The following LTA4H variants were observed in gnomAD, a reference collection of about 807,000 sequenced individuals.
LTA4H encodes the protein leukotriene A-4 hydrolase.
A neutral mutation model predicts 89.8 loss-of-function variants in LTA4H; 59 were observed. That is an observed-to-expected ratio of 0.66 (90% confidence interval 0.53 to 0.82). LTA4H has a LOEUF of 0.82. Among genes scored for constraint, LTA4H ranks in the 40% least tolerant of loss-of-function variants. LTA4H has a pLI of 0.00. For missense variants in LTA4H, 617 were observed against 727.0 expected, an observed-to-expected ratio of 0.85 and a Z score of 1.74; for synonymous variants, 227 against 253.1, an observed-to-expected ratio of 0.90 and a Z score of 0.98.
chr12:96,009,222 A>G, intron 14 of LTA4H, 74 bp from the exon 15 acceptor site: 1 of 959,994 alleles, frequency 1.0e-6, no homozygotes, highest in South Asian at 1.4e-5. Context: ...GCTACAGTAC[A>G]TACTTAAATT....
chr12:96,005,626 TG>T (rs1192571867), intron 16 of LTA4H, among the ~76,000 whole-genome samples: 8 of 152,124 alleles, frequency 5.3e-5, no homozygotes, highest in Non-Finnish European at 1.2e-4. Flanking sequence ...CTGCTAGCCC[TG>T]GGGGTGCAAA....
rs1950255699 is a variant in LTA4H, at chr12:96,009,141, TATC to T, written c.1384_1386del (p.Asp462del). 2.5e-6 allele frequency: 4 copies of T among 1,601,486 alleles called. No homozygotes were observed. Among genetic ancestry groups the T allele is most frequent in the Admixed American group, 1.7e-5 (1 of 59,892 alleles). On this transcript the variant is annotated inframe_deletion, in exon 15 of 19. Coordinates refer to ENST00000228740, the MANE Select transcript of LTA4H (RefSeq NM_000895.3). ...GCAATACAAGCATTTGTCAGAGTCA[TATC>T]ATAACTGCAAAGATAAAGATTACAT... is the stretch of plus-strand genomic sequence containing the variant.
At chr12:96,033,940 T>A (rs1386036828) in intron 1 of LTA4H, among the ~76,000 whole-genome samples, 2 of 152,260 alleles carry the variant, frequency 1.3e-5, no homozygotes, top group Admixed American at 6.5e-5. Context: ...TTCCTGCTTA[T>A]AATATCTTAA....
chr12:96,001,371 G>A (rs369712805), intron 18 of LTA4H, among the ~76,000 whole-genome samples: 3 of 152,246 alleles, frequency 2.0e-5, no homozygotes, highest in South Asian at 2.1e-4. Context: ...ACCTCCTTCT[G>A]TACCAGAGAC....
chr12:96,028,894 CT>C (rs1359139552), intron 2 of LTA4H, among the ~76,000 whole-genome samples, 160 bp downstream of exon 2: 1 of 152,148 alleles, frequency 6.6e-6, no homozygotes, highest in African/African-American at 2.4e-5. Flanking sequence ...ATAATTTTAA[CT>C]GCTGTATCAA....
At position 96,014,886 on chromosome 12, in the gene LTA4H, A is replaced by T; in HGVS notation, c.1173T>A (p.Leu391=). 6.2e-7 allele frequency: 1 copy of T among 1,613,548 alleles called. No homozygotes were observed. The highest frequency in any genetic ancestry group is 8.5e-7 in the Non-Finnish European group (1 of 1,179,782). The change falls in exon 12 of 19, where the codon CTT becomes CTA. Residue 391 remains leucine (L), a synonymous_variant. Coordinates refer to ENST00000228740, the MANE Select transcript of LTA4H (RefSeq NM_000895.3). The stretch of plus-strand genomic sequence containing the variant: ...CTCCAAGCAGTTGTTCAAGGTAAAA[A>T]AGTAAAGCAAAGCCCTTCTCATAGG... ...SVPYEKGFAL[L]FYLEQLLGGP...
upstream of LTA4H, among the ~76,000 whole-genome samples, chr12:96,036,079 T>C (rs7304178): frequency 5.1e-4 from 78 of 152,064 alleles, no homozygotes; most frequent in African/African-American, 1.8e-3. Context: ...GGGGTTCGAT[T>C]CCCCGACGGG....
In LTA4H at chr12:96,021,092, C is replaced by G; in HGVS notation, c.631G>C (p.Glu211Gln). Residue 211 changes from glutamate to glutamine, a missense_variant, in exon 6 of 19, where the codon GAA (glutamate) becomes CAA (glutamine). Glu to Gln is a conservative substitution (Grantham distance 29). Around this residue, in one of 3 missense-constraint regions of LTA4H, gnomAD observed 172 missense variants for 244.5 expected, o/e 0.70. Coordinates refer to ENST00000228740, the MANE Select transcript of LTA4H (RefSeq NM_000895.3). ...YLIALVVGAL[E>Q]SRQIGPRTLV... The stretch of plus-strand genomic sequence containing the variant: ...ATTTTTCCAAAAGCTCACCTGCTTT[C>G]TAAAGCTCCAACAACTAAAGCAATC... 3 of 1,600,158 alleles carry G rather than the reference C, an allele frequency of 1.9e-6. No homozygotes were observed. The highest frequency in any genetic ancestry group is 2.6e-6 in the Non-Finnish European group (3 of 1,176,028).
chr12:96,011,169 A>C (rs1480264748), intron 14 of LTA4H: 1 of 152,114 alleles, frequency 6.6e-6, no homozygotes, highest in Admixed American at 6.5e-5. Context: ...CTAATTTTCC[A>C]CCCAGATTTC....
chr12:96,025,559 C>T (rs925328213), intron 3 of LTA4H, among the ~76,000 whole-genome samples: 6 of 152,058 alleles, frequency 3.9e-5, no homozygotes, highest in Non-Finnish European at 5.9e-5. Flanking sequence ...GGCCAGGTGC[C>T]GTGGCTCACT....
chr12:96,043,219 A>T, intron 1 of LTA4H: 1 of 1,119,562 alleles, frequency 8.9e-7, no homozygotes, highest in Non-Finnish European at 1.3e-6. Context: ...CCGGGAGGTG[A>T]ATTGAAGGGG....
In LTA4H at chr12:96,013,770, A is replaced by T; in HGVS notation, c.1288T>A (p.Tyr430Asn). The T allele has an allele frequency of 6.4e-7, 1 of 1,566,852 alleles. No homozygotes were observed. Among genetic ancestry groups the T allele is most frequent in the Non-Finnish European group, 8.7e-7 (1 of 1,146,574 alleles). The change falls in exon 13 of 19, where the codon TAT becomes AAT. Residue 430 changes from tyrosine to asparagine, a missense_variant. By Grantham distance (143) the Tyr-to-Asn change is moderately radical. Coordinates refer to ENST00000228740, the MANE Select transcript of LTA4H (RefSeq NM_000895.3). ...CCAACCTTATCTTTAAAATAGGAAT[A>T]CAGGAAATCCTTCCAGTCATCAGTA... ...ITTDDWKDFL[Y>N]SYFKDKVDVL... is the part of the protein sequence containing the mutation.
chr12:96,011,677 C>T (rs1950303253), intron 14 of LTA4H: 1 of 152,192 alleles, frequency 6.6e-6, no homozygotes, highest in South Asian at 2.1e-4. Context: ...TAGTGCCTGA[C>T]AATAAATGTG....
chr12:96,005,084 T>C (rs1950177171), intron 16 of LTA4H, among the ~76,000 whole-genome samples: 1 of 152,182 alleles, frequency 6.6e-6, no homozygotes, highest in Non-Finnish European at 1.5e-5. Context: ...GACTTCCCTT[T>C]CATGGAAGTC....
chr12:96,015,759 A>G (rs1950365434), intron 10 of LTA4H, 65 bp from the exon 11 acceptor site: 1 of 1,121,202 alleles, frequency 8.9e-7, no homozygotes, highest in Non-Finnish European at 1.3e-6. Flanking sequence ...TTCAATCAAG[A>G]TATTTTCTTT....
rs1036632029 is a variant in LTA4H, at chr12:96,006,376, T to G, written c.1468A>C (p.Thr490Pro). Residue 490 changes from threonine (T) to proline (P), a missense_variant, in exon 16 of 19, where the codon ACA becomes CCA. By Grantham distance (38) the Thr-to-Pro change is conservative (BLOSUM62 -1). Transcript: ENST00000228740. ...TGAGAAGAGAGATCCTTCAGGTCTG[T>G]GGCATTGAATGAATTTAAATCATCT... ...KEDDLNSFNATDLKDLSSHQL... is the reference protein window; with the variant it reads ...KEDDLNSFNAPDLKDLSSHQL... 6 of 1,611,192 alleles carry G rather than the reference T, an allele frequency of 3.7e-6. No individual in the cohort carries two copies. In the African/African-American group the frequency reaches 8.0e-5, roughly 21 times the overall value.
In LTA4H at chr12:96,022,185, C is replaced by T. The variant is rs1476366621; in HGVS notation, c.547G>A (p.Glu183Lys). Reference protein sequence around the residue: ...AIRDGETPDPEDPSRKIYKFI... With the variant: ...AIRDGETPDPKDPSRKIYKFI... ...TTGTATATTTTCCTGCTTGGGTCTT[C>T]TGGGTCAGGTGTTTCTCCATCACGA... is the stretch of plus-strand genomic sequence containing the variant. The change falls in exon 5 of 19, where the codon GAA (glutamate) becomes AAA (lysine). Residue 183 changes from glutamate (E) to lysine (K), a missense_variant. Coordinates refer to ENST00000228740, the MANE Select transcript of LTA4H (RefSeq NM_000895.3). This position sits in a 1 kb window ranked among gnomAD's most constrained non-coding sequence, Gnocchi z 4.0. 6.2e-7 allele frequency: 1 copy of T among 1,613,826 alleles called. No individual in the cohort carries two copies. The highest frequency in any genetic ancestry group is 2.2e-5 in the East Asian group (1 of 44,854).
At chr12:96,004,585 A>C (rs1337079051) in intron 16 of LTA4H, among the ~76,000 whole-genome samples, 1 of 152,212 alleles carries the variant, frequency 6.6e-6, no homozygotes, top group East Asian at 1.9e-4. Context: ...AGATGAGTTC[A>C]GTTTGGACAA....
chr12:96,003,574 C>T lies in LTA4H; in HGVS notation c.1613+264G>A, dbSNP rs112889468. On this transcript the variant is annotated intron_variant, in intron 17 of 18. Transcript: ENST00000228740. ...TTGGTTGTGGAGAAAGCCTATTTAC[C>T]ACGGAATCCTTCATTCTAATTTTTT... 7.6e-3 allele frequency: 1,945 copies of T among 255,018 alleles called. 45 individuals are homozygous for T. Among genetic ancestry groups the T allele is most frequent in the African/African-American group, 0.04 (1,810 of 44,976 alleles). 15.8% of individuals were successfully genotyped at this position (255,018 alleles called of 1,614,324 possible).
Sources: allele counts gnomAD v4.1 joint callset (sites outside exome capture counted in the v4.1 genomes callset), GRCh38; gene constraint gnomAD v4.1.1; regional missense constraint gnomAD v4.1.1; non-coding constraint Gnocchi (gnomAD v3.1); transcripts MANE v1.5; gene names NCBI Gene and HGNC (gene_info 2026-07-23, HGNC 2026-07-21).